The following IL1RAPL1 variants were observed in gnomAD, a reference collection of about 807,000 sequenced individuals.
IL1RAPL1 encodes interleukin-1 receptor accessory protein-like 1.
Under a neutral mutation model 48.4 loss-of-function variants are expected in IL1RAPL1, and 3 were observed. The observed-to-expected ratio is 0.06, with a 90% CI of 0.03 to 0.16. IL1RAPL1 has a LOEUF of 0.16. IL1RAPL1 is among the 10% of genes least tolerant of loss of function. The probability of loss-of-function intolerance (pLI) is 1.00; values close to 1 mark genes in which losing one functional copy is unlikely to be tolerated. For synonymous variants in IL1RAPL1, 185 were observed against 187.7 expected, an observed-to-expected ratio of 0.99 and a Z score of 0.12; for missense variants, 349 against 530.6, an observed-to-expected ratio of 0.66 and a Z score of 3.36.
At chrX:29,739,155 C>T (rs772762858) in intron 6 of IL1RAPL1, among the ~76,000 whole-genome samples, 16 of 112,162 alleles carry the variant, frequency 1.4e-4, no homozygotes, top group Non-Finnish European at 3.0e-4. Context: ...ATAAAGTGCC[C>T]GGCTCAGTCC....
intron 5 of IL1RAPL1, among the ~76,000 whole-genome samples, chrX:29,489,302 A>G (rs1935130827): frequency 9.0e-6 from 1 of 111,509 alleles, no homozygotes; most frequent in Admixed American, 9.6e-5. Flanking sequence ...TGTACATTAT[A>G]CAATTTTTGT....
chrX:28,991,331 T>G (rs1925598675), intron 2 of IL1RAPL1, among the ~76,000 whole-genome samples: 2 of 111,972 alleles, frequency 1.8e-5, no homozygotes, highest in African/African-American at 3.2e-5. Flanking sequence ...GCTTATCAGA[T>G]GAAAGAAGAA....
chrX:28,649,115 A>G (rs1250011473), intron 1 of IL1RAPL1, among the ~76,000 whole-genome samples: 4 of 112,092 alleles, frequency 3.6e-5, no homozygotes, highest in Admixed American at 2.8e-4. Flanking sequence ...CAAAGTAGGT[A>G]CTCAATAAAT....
intron 2 of IL1RAPL1, among the ~76,000 whole-genome samples, chrX:29,000,213 A>G (rs1269532963): frequency 8.9e-6 from 1 of 111,863 alleles, no homozygotes; most frequent in Non-Finnish European, 1.9e-5. Flanking sequence ...ACTGCATGGC[A>G]TCCTTCCTAT....
intron 2 of IL1RAPL1, among the ~76,000 whole-genome samples, chrX:29,135,623 A>C (rs1249188877): frequency 8.9e-6 from 1 of 112,479 alleles, no homozygotes; most frequent in Non-Finnish European, 1.9e-5. Context: ...TGTTAGCCTC[A>C]TGATAGTAGC....
At position 29,472,141 on chromosome X, in the gene IL1RAPL1, A is replaced by G. The variant is rs1183843436; in HGVS notation, c.703+72833A>G. ...CTCTGGTGTCACCAGTGATGGCTATACAACTAAATCCTACCCATTTTTCAG... is the reference window on the plus strand; with the variant it reads ...CTCTGGTGTCACCAGTGATGGCTATGCAACTAAATCCTACCCATTTTTCAG... On this transcript the variant is annotated intron_variant, in intron 5 of 10. Transcript: ENST00000378993. 4.5e-5 allele frequency among the ~76,000 whole-genome samples: 5 copies of G among 111,873 alleles called. No individual in the cohort carries two copies. The Admixed American group carries it at 4.7e-4, about 11-fold the overall frequency.
intron 6 of IL1RAPL1, among the ~76,000 whole-genome samples, chrX:29,903,119 A>C (rs923708939): frequency 3.6e-5 from 4 of 109,834 alleles, no homozygotes; most frequent in Non-Finnish European, 7.6e-5. Context: ...TTATTTAGGT[A>C]AAAGATCTTA....
At chrX:29,510,308 G>A (rs773045502) in intron 5 of IL1RAPL1, among the ~76,000 whole-genome samples, 1 of 112,086 alleles carries the variant, frequency 8.9e-6, no homozygotes, top group South Asian at 3.7e-4. Flanking sequence ...TGTCAACAGA[G>A]TGCTAGAATA....
intron 1 of IL1RAPL1, among the ~76,000 whole-genome samples, chrX:28,591,946 A>G (rs775079877): frequency 4.2e-4 from 47 of 112,106 alleles, no homozygotes; most frequent in South Asian, 1.1e-3. Context: ...TGGAATTATT[A>G]TTAAGGATTC....
At chrX:29,116,083 A>G (rs898911960) in intron 2 of IL1RAPL1, among the ~76,000 whole-genome samples, 1 of 111,394 alleles carries the variant, frequency 9.0e-6, no homozygotes, top group Non-Finnish European at 1.9e-5. Context: ...TCTATTTTGT[A>G]TACTTTAATC....
chrX:29,690,269 C>T (rs1926738759), intron 6 of IL1RAPL1, among the ~76,000 whole-genome samples: 1 of 111,992 alleles, frequency 8.9e-6, no homozygotes, highest in Admixed American at 9.5e-5. Context: ...TGACAAGTCT[C>T]TCCCACAACT....
intron 2 of IL1RAPL1, among the ~76,000 whole-genome samples, chrX:28,903,283 C>T (rs1022472981): frequency 3.6e-5 from 4 of 110,496 alleles, no homozygotes; most frequent in African/African-American, 9.9e-5. Flanking sequence ...CCATGCCCTG[C>T]GAATTTTTGT....
chrX:29,614,010 A>G (rs1330688166), intron 5 of IL1RAPL1, among the ~76,000 whole-genome samples: 1 of 109,043 alleles, frequency 9.2e-6, no homozygotes, highest in South Asian at 4.0e-4. Context: ...TGATCTGCCC[A>G]CCTCGGCCTC....
chrX:29,876,380 G>T (rs1406607046), intron 6 of IL1RAPL1, among the ~76,000 whole-genome samples: 1 of 111,610 alleles, frequency 9.0e-6, no homozygotes, highest in African/African-American at 3.3e-5. Context: ...CTGAGAAAGC[G>T]AAATAGGGTT....
intron 2 of IL1RAPL1, among the ~76,000 whole-genome samples, chrX:28,845,825 C>T (rs897185417): frequency 2.7e-5 from 3 of 110,998 alleles, no homozygotes; most frequent in Non-Finnish European, 3.8e-5. Context: ...GAAGAAGGTA[C>T]AGGGATTTAT....
chrX:29,677,673 C>A (rs1048172175), intron 6 of IL1RAPL1, among the ~76,000 whole-genome samples: 1 of 111,770 alleles, frequency 8.9e-6, no homozygotes, highest in African/African-American at 3.3e-5. Flanking sequence ...CACCCATTAC[C>A]ATGTGTGACC....
Position 29,310,617 on chromosome X carries a change from TCA to T in IL1RAPL1, c.362+27415_362+27416del, listed in dbSNP as rs200478233. Among the ~76,000 whole-genome samples, 6 of 96,619 alleles carry T rather than the reference TCA, an allele frequency of 6.2e-5. No individual in the cohort carries two copies. In the South Asian group the frequency reaches 1.1e-3, roughly 18 times the overall value. 83.9% of individuals were successfully genotyped at this position (96,619 alleles called of 115,157 possible). On this transcript the variant is annotated intron_variant, in intron 3 of 10. Coordinates refer to ENST00000378993, the MANE Select transcript of IL1RAPL1 (RefSeq NM_014271.4). Reference sequence around the variant, plus strand: ...TCCCAAGAGGTGCTCAATTGAGAAATCACACACACACACACAACTTTAATTAT... The same window carrying T: ...TCCCAAGAGGTGCTCAATTGAGAAATCACACACACACACAACTTTAATTAT...
intron 3 of IL1RAPL1, among the ~76,000 whole-genome samples, chrX:29,295,105 A>G (rs1047851546): frequency 1.8e-5 from 2 of 111,862 alleles, no homozygotes; most frequent in Non-Finnish European, 3.8e-5. Context: ...CAAAGAAAAT[A>G]AAACAGATTC....
chrX:28,949,554 T>C (rs762746951), intron 2 of IL1RAPL1, among the ~76,000 whole-genome samples: 3 of 111,768 alleles, frequency 2.7e-5, no homozygotes, highest in South Asian at 3.7e-4. Context: ...TCTGGTCCTT[T>C]GTAGAAAAAA....
Sources: allele counts gnomAD v4.1 joint callset (sites outside exome capture counted in the v4.1 genomes callset), GRCh38; gene constraint gnomAD v4.1.1; transcripts MANE v1.5; gene names NCBI Gene and HGNC (gene_info 2026-07-23, HGNC 2026-07-21).